The following MTUS2 variants were observed in gnomAD, a reference collection of about 807,000 sequenced individuals.
The protein encoded by MTUS2 is microtubule-associated tumor suppressor candidate 2.
Under a neutral mutation model 114.1 loss-of-function variants are expected in MTUS2, and 40 were observed. The ratio of observed to expected loss-of-function variants is 0.35; its 90% CI spans 0.27 to 0.46. The LOEUF is 0.46. Among genes scored for constraint, MTUS2 ranks in the 20% least tolerant of loss-of-function variants. The pLI is 1.00. For synonymous variants in MTUS2, 688 were observed against 672.0 expected, an observed-to-expected ratio of 1.02 and a Z score of -0.37; for missense variants, 1,679 against 1,705.4, an observed-to-expected ratio of 0.98 and a Z score of 0.27.
intron 2 of MTUS2, among the ~76,000 whole-genome samples, chr13:28,865,280 G>C (rs1877229494): frequency 6.6e-6 from 1 of 152,176 alleles, no homozygotes; most frequent in Non-Finnish European, 1.5e-5. Flanking sequence ...GCTGCAGGTG[G>C]TACAGAGGTC....
chr13:29,252,002 C>T (rs1897138977), intron 5 of MTUS2, among the ~76,000 whole-genome samples: 1 of 152,234 alleles, frequency 6.6e-6, no homozygotes, highest in East Asian at 1.9e-4. Flanking sequence ...TTTGGAGGAA[C>T]CACCATGCTC....
At chr13:29,085,100 C>T (rs941499645) in intron 4 of MTUS2, among the ~76,000 whole-genome samples, 1 of 152,156 alleles carries the variant, frequency 6.6e-6, no homozygotes, top group Non-Finnish European at 1.5e-5. Flanking sequence ...CCTTCTTTCT[C>T]TCTTTCTCCC....
intron 2 of MTUS2, among the ~76,000 whole-genome samples, chr13:28,953,019 A>G (rs1175948453): frequency 6.6e-6 from 1 of 152,206 alleles, no homozygotes; most frequent in Non-Finnish European, 1.5e-5. Flanking sequence ...GCCATTAGCA[A>G]TTTGTGAGAA....
At position 28,947,151 on chromosome 13, in the gene MTUS2, C is replaced by T. The variant is rs145953586; in HGVS notation, c.-242-77306C>T. On this transcript the variant is annotated intron_variant, in intron 2 of 15. Transcript: ENST00000612955. ...ACATAAGATTTTATATTACTTTATC[C>T]GACTGCCTCAATTTGAGCCTTGAAT... 3.8e-3 allele frequency among the ~76,000 whole-genome samples: 574 copies of T among 152,206 alleles called. 4 individuals carry two copies. The highest frequency in any genetic ancestry group is 0.013 in the African/African-American group (547 of 41,520).
Position 29,385,312 on chromosome 13 carries a change from C to G in MTUS2, c.3117+25839C>G, listed in dbSNP as rs181538135. Among the ~76,000 whole-genome samples, 7 of 152,304 alleles carry G rather than the reference C, an allele frequency of 4.6e-5. No individual in the cohort carries two copies. The East Asian group carries it at 1.2e-3, about 25-fold the overall frequency. ...TGGCCTGTCCCTGCTCTCTGAAGAG[C>G]GATGCTCAGAGCAGCACTGGGTGCT... On this transcript the variant is annotated intron_variant, in intron 8 of 15. Transcript: ENST00000612955.
rs1465871545 is a variant in MTUS2 at position 28,839,843 on chromosome 13, G to A, written c.-250G>A. Reference sequence around the variant, plus strand: ...AATGGCAGTAAAACTCATTTTCTGGGGAATAGGGTGAGTTCATGTGGATTT... The same window carrying A: ...AATGGCAGTAAAACTCATTTTCTGGAGAATAGGGTGAGTTCATGTGGATTT... On this transcript the variant is annotated 5_prime_UTR_variant, in exon 2 of 16. Transcript: ENST00000612955. 2.0e-5 allele frequency: 3 copies of A among 152,016 alleles called. No homozygotes were observed. Among genetic ancestry groups the A allele is most frequent in the Non-Finnish European group, 4.4e-5 (3 of 67,996 alleles). The allele number at this position is 152,016 out of a possible 1,614,324, so 9.4% of individuals were successfully genotyped here.
intron 2 of MTUS2, among the ~76,000 whole-genome samples, chr13:28,857,713 G>A (rs1161461): frequency 0.65 from 98,541 of 152,122 alleles, 35,151 homozygotes; most frequent in Non-Finnish European, 0.79. Context: ...AAGTACTTAG[G>A]GAATCAGAAT....
intron 6 of MTUS2, among the ~76,000 whole-genome samples, chr13:29,291,563 C>CT (rs1393004973): frequency 6.6e-6 from 1 of 152,202 alleles, no homozygotes; most frequent in Admixed American, 6.5e-5. Context: ...CCAGCAACCC[C>CT]TGGTGGCTCT....
In MTUS2 at chr13:28,843,980, A is replaced by C. The variant is rs554916068; in HGVS notation, c.-243+4130A>C. 3.9e-5 allele frequency among the ~76,000 whole-genome samples: 6 copies of C among 152,368 alleles called. No individual in the cohort carries two copies. In the East Asian group the frequency reaches 1.2e-3, roughly 29 times the overall value. On this transcript the variant is annotated intron_variant, in intron 2 of 15. Transcript: ENST00000612955. The stretch of plus-strand genomic sequence containing the variant: ...TGAGAATCCTGGAAAAGTTCCTGTG[A>C]TACTCATATTATGTCAAAGGAGTTC...
At chr13:29,397,995 G>A (rs1474640274) in intron 8 of MTUS2, among the ~76,000 whole-genome samples, 1 of 152,052 alleles carries the variant, frequency 6.6e-6, no homozygotes, top group African/African-American at 2.4e-5. Context: ...AAAAAACAGA[G>A]AATCATAAAA....
intron 2 of MTUS2, among the ~76,000 whole-genome samples, chr13:29,001,265 A>G (rs2138382714): frequency 6.6e-6 from 1 of 152,238 alleles, no homozygotes; most frequent in Non-Finnish European, 1.5e-5. Flanking sequence ...CCTTCTGGCT[A>G]TAGGGTTCAT....
intron 2 of MTUS2, among the ~76,000 whole-genome samples, chr13:28,959,588 C>G (rs866413462): frequency 5.9e-5 from 9 of 152,130 alleles, no homozygotes; most frequent in African/African-American, 2.2e-4. Flanking sequence ...AGCTTCCACT[C>G]ATGGCAGAAG....
At chr13:29,200,740 G>C (rs935873529) in intron 5 of MTUS2, among the ~76,000 whole-genome samples, 3 of 151,840 alleles carry the variant, frequency 2.0e-5, no homozygotes, top group South Asian at 2.1e-4. Flanking sequence ...GGCTGGTCTC[G>C]AATACCCAAC....
At chr13:29,386,969 G>A (rs896949712) in intron 8 of MTUS2, among the ~76,000 whole-genome samples, 3 of 152,154 alleles carry the variant, frequency 2.0e-5, no homozygotes, top group Admixed American at 1.3e-4. Flanking sequence ...CACTCTAAGG[G>A]TTTAAAAGTA....
intron 10 of MTUS2, chr13:29,485,064 G>C (rs75481457): frequency 6.5e-6 from 1 of 152,708 alleles, no homozygotes; most frequent in East Asian, 1.9e-4. Context: ...GGACAGCCCA[G>C]TGGTGGTCTA....
intron 5 of MTUS2, among the ~76,000 whole-genome samples, chr13:29,240,498 A>G (rs113244248): frequency 5.9e-5 from 9 of 152,352 alleles, no homozygotes; most frequent in African/African-American, 2.2e-4. Context: ...TACAAAAGTC[A>G]AGTATGTTGA....
intron 9 of MTUS2, among the ~76,000 whole-genome samples, chr13:29,477,188 T>C (rs1009399060): frequency 1.3e-5 from 2 of 152,202 alleles, no homozygotes; most frequent in Admixed American, 6.5e-5. Context: ...TAGATAAAAT[T>C]CTTGCTTCTC....
intron 4 of MTUS2, among the ~76,000 whole-genome samples, chr13:29,043,047 G>A (rs1465478002): frequency 6.6e-6 from 1 of 152,098 alleles, no homozygotes; most frequent in African/African-American, 2.4e-5. Flanking sequence ...TTCTTGAGGT[G>A]TGACCTTAGA....
rs1194061167 is a variant in MTUS2 at position 29,505,458 on chromosome 13, TGTTTG to T, written c.*2253_*2257del. 4.6e-5 allele frequency: 10 copies of T among 215,244 alleles called. No homozygotes were observed. The highest frequency in any genetic ancestry group is 1.3e-4 in the East Asian group (2 of 15,550). 13.3% of individuals were successfully genotyped at this position (215,244 alleles called of 1,614,324 possible). A position where few individuals can be genotyped will look rare whatever the true frequency, so the allele number is the denominator to read the frequency against. On this transcript the variant is annotated 3_prime_UTR_variant, in exon 16 of 16. Transcript: ENST00000612955. ...TCCACGTGGCCCTGGCTTCGTGGTT[TGTTTG>T]TTTTTTTTCTTTTGTTACGGACACC...
Sources: allele counts gnomAD v4.1 joint callset (sites outside exome capture counted in the v4.1 genomes callset), GRCh38; gene constraint gnomAD v4.1.1; transcripts MANE v1.5; gene names NCBI Gene and HGNC (gene_info 2026-07-23, HGNC 2026-07-21).